EPHB1: variants seen among roughly 807,000 people sequenced by gnomAD.
EPHB1 encodes the protein EPH receptor B1.
In EPHB1, 30 loss-of-function variants were observed where a neutral mutation model predicts 94.4. The observed-to-expected ratio is 0.32, with a 90% CI of 0.24 to 0.43. The LOEUF is 0.43. Ranked by LOEUF, EPHB1 falls within the 20% of genes least tolerant of loss-of-function variation. The pLI is 1.00. For synonymous variants in EPHB1, 522 were observed against 489.1 expected, an observed-to-expected ratio of 1.07 and a Z score of -0.89; for missense variants, 1,055 against 1,308.3, an observed-to-expected ratio of 0.81 and a Z score of 2.99.
intron 6 of EPHB1, 117 bp from the exon 7 acceptor site, chr3:135,161,901 C>T: frequency 1.7e-6 from 2 of 1,154,690 alleles, no homozygotes; most frequent in African/African-American, 1.6e-5. Context: ...CTGATGACAA[C>T]TGCTAGCAGA....
intron 1 of EPHB1, among the ~76,000 whole-genome samples, chr3:134,903,374 G>A (rs2038245182): frequency 6.6e-6 from 1 of 152,216 alleles, no homozygotes. Context: ...TGGAATGAGA[G>A]AGGCTGACTC....
At chr3:135,071,841 T>A (rs1937726730) in intron 3 of EPHB1, among the ~76,000 whole-genome samples, 1 of 152,206 alleles carries the variant, frequency 6.6e-6, no homozygotes, top group Admixed American at 6.5e-5. Context: ...TGATTTCCTT[T>A]TTCACTTTGA....
chr3:134,957,025 C>G (rs1360820536), intron 3 of EPHB1, among the ~76,000 whole-genome samples: 1 of 152,158 alleles, frequency 6.6e-6, no homozygotes, highest in East Asian at 1.9e-4. Context: ...AATGTTATGG[C>G]TCACATGGCC....
rs563268372 is a variant in EPHB1, at chr3:134,988,626, GC to G, written c.805+36577del. Reference sequence around the variant, plus strand: ...CCTTCCCCATTTATTAGAGTTGGCTGCCCATGAGAGATACATGGTACAAGTA... The same window carrying G: ...CCTTCCCCATTTATTAGAGTTGGCTGCCATGAGAGATACATGGTACAAGTA... On this transcript the variant is annotated intron_variant, in intron 3 of 15. Coordinates refer to ENST00000398015, the MANE Select transcript of EPHB1 (RefSeq NM_004441.5). 1.8e-3 allele frequency among the ~76,000 whole-genome samples: 281 copies of G among 152,264 alleles called. 1 individual carries two copies. The highest frequency in any genetic ancestry group is 1.4e-3 in the Non-Finnish European group (96 of 68,010).
At chr3:134,965,406 A>C (rs922817649) in intron 3 of EPHB1, among the ~76,000 whole-genome samples, 1 of 151,984 alleles carries the variant, frequency 6.6e-6, no homozygotes, top group African/African-American at 2.4e-5. Flanking sequence ...CTTCTCTAAG[A>C]GTTTCCTCTA....
intron 10 of EPHB1, among the ~76,000 whole-genome samples, chr3:135,189,555 C>A (rs917237197): frequency 3.3e-5 from 5 of 152,232 alleles, no homozygotes; most frequent in East Asian, 3.8e-4. Flanking sequence ...CCGTGCTCTG[C>A]AAATTATGTA....
At chr3:134,972,396 G>T in intron 3 of EPHB1, among the ~76,000 whole-genome samples, 1 of 144,056 alleles carries the variant, frequency 6.9e-6, no homozygotes. Flanking sequence ...AAATATATAA[G>T]TATATTATAT....
chr3:134,821,717 T>C (rs1464061976), intron 1 of EPHB1, among the ~76,000 whole-genome samples: 2 of 152,240 alleles, frequency 1.3e-5, no homozygotes, highest in East Asian at 1.9e-4. Flanking sequence ...AGGACTCCTA[T>C]GTCTTTCTCT....
chr3:134,909,050 G>A (rs544376748), intron 1 of EPHB1, among the ~76,000 whole-genome samples: 11 of 143,212 alleles, frequency 7.7e-5, no homozygotes, highest in South Asian at 2.2e-4. Context: ...ATCAGACCCC[G>A]TGGAGCATAT....
At position 134,951,204 on chromosome 3, in the gene EPHB1, A is replaced by C. The variant is rs891889830; in HGVS notation, c.124-167A>C. 1.3e-5 allele frequency among the ~76,000 whole-genome samples: 2 copies of C among 152,222 alleles called. No homozygotes were observed. Among genetic ancestry groups the C allele is most frequent in the Admixed American group, 6.5e-5 (1 of 15,286 alleles). ...TCTGAAGTTTTCTTATAAGATCTTT[A>C]AAATCAAGTTGCGCTTAGATGTGTT... is the stretch of plus-strand genomic sequence containing the variant. On this transcript the variant is annotated intron_variant, in intron 2 of 15. Coordinates refer to ENST00000398015, the MANE Select transcript of EPHB1 (RefSeq NM_004441.5). The surrounding 1 kb of genome is among the most constrained non-coding windows in gnomAD (Gnocchi z 4.5).
intron 5 of EPHB1, among the ~76,000 whole-genome samples, chr3:135,134,040 G>T (rs73862027): frequency 6.6e-6 from 1 of 152,154 alleles, no homozygotes; most frequent in Non-Finnish European, 1.5e-5. Context: ...AATGCTATAT[G>T]CATGCAGTAA....
At chr3:134,882,808 T>TTCTTTCTTTCTTTC (rs1560280703) in intron 1 of EPHB1, among the ~76,000 whole-genome samples, 2 of 85,366 alleles carry the variant, frequency 2.3e-5, no homozygotes, top group Admixed American at 1.2e-4. Context: ...CTTTCTTTCT[T>TTCTTTCTTTCTTTC]TCTTTCTTTC....
chr3:134,868,738 G>A (rs1017518701), intron 1 of EPHB1, among the ~76,000 whole-genome samples: 1 of 152,198 alleles, frequency 6.6e-6, no homozygotes, highest in African/African-American at 2.4e-5. Context: ...TTCAAGTTGT[G>A]CACCAAATTA....
chr3:135,130,480 A>C, intron 4 of EPHB1, among the ~76,000 whole-genome samples: 1 of 152,200 alleles, frequency 6.6e-6, no homozygotes, highest in East Asian at 1.9e-4. Flanking sequence ...TTGTTTGCAA[A>C]AGCTTGGCTG....
intron 9 of EPHB1, among the ~76,000 whole-genome samples, chr3:135,167,550 A>T (rs1941685292): frequency 6.6e-6 from 1 of 152,116 alleles, no homozygotes; most frequent in Non-Finnish European, 1.5e-5. Context: ...TCTTTTATAA[A>T]CCTATATTTA....
At chr3:135,065,152 A>G (rs542170407) in intron 3 of EPHB1, among the ~76,000 whole-genome samples, 1 of 152,170 alleles carries the variant, frequency 6.6e-6, no homozygotes, top group Non-Finnish European at 1.5e-5. Flanking sequence ...AGTTCCGTGC[A>G]CTGTTGAATA....
chr3:134,865,704 G>A (rs1477546804), intron 1 of EPHB1, among the ~76,000 whole-genome samples: 1 of 151,124 alleles, frequency 6.6e-6, no homozygotes, highest in Non-Finnish European at 1.5e-5. Context: ...TGACCTGACT[G>A]GAAAGATTGC....
At position 134,951,493 on chromosome 3, in the gene EPHB1, C is replaced by G. The variant is rs572775706; in HGVS notation, c.246C>G (p.Ala82=). 2 of 1,613,378 alleles carry G rather than the reference C, an allele frequency of 1.2e-6. No homozygotes were observed. Among genetic ancestry groups the G allele is most frequent in the Non-Finnish European group, 1.7e-6 (2 of 1,179,620 alleles). The change falls in exon 3 of 16, where the codon GCC becomes GCG. Residue 82 remains alanine, a synonymous_variant. Coordinates refer to ENST00000398015, the MANE Select transcript of EPHB1 (RefSeq NM_004441.5). This position sits in a 1 kb window ranked among gnomAD's most constrained non-coding sequence, Gnocchi z 4.5. ...CCACCTTCATCAACCGGCGGGGGGCCCATCGCATCTACACAGAGATGCGCT... is the reference window on the plus strand; with the variant it reads ...CCACCTTCATCAACCGGCGGGGGGCGCATCGCATCTACACAGAGATGCGCT... The part of the protein sequence containing the change: ...LLTTFINRRG[A]HRIYTEMRFT...
chr3:134,978,164 G>A, intron 3 of EPHB1: 1 of 306,078 alleles, frequency 3.3e-6, no homozygotes. Flanking sequence ...AATCCACTGA[G>A]TTACAAGTCC....
Sources: gnomAD v4.1 joint callset for allele counts (sites outside exome capture counted in the v4.1 genomes callset) on GRCh38, gnomAD v4.1.1 for gene constraint, Gnocchi (gnomAD v3.1) non-coding constraint, MANE v1.5 for transcripts, NCBI Gene and HGNC (gene_info 2026-07-23, HGNC 2026-07-21) for gene names.